Variants in TRRAP observed in about 807,000 individuals in gnomAD.
The protein encoded by TRRAP is transformation/transcription domain associated protein, also known as transformation/transcription domain-associated protein.
Under a neutral mutation model 438.8 loss-of-function variants are expected in TRRAP, and 41 were observed. The observed-to-expected ratio is 0.09, with a 90% CI of 0.07 to 0.12. The LOEUF (loss-of-function observed/expected upper bound fraction) is 0.12, where lower values mean the gene tolerates loss of function less well. TRRAP is among the 10% of genes least tolerant of loss of function. The pLI, the probability that TRRAP is intolerant of heterozygous loss-of-function variation, is 1.00. For missense variants in TRRAP, 3,122 were observed against 5,055.1 expected, an observed-to-expected ratio of 0.62 and a Z score of 11.60; for synonymous variants, 1,994 against 1,962.9, an observed-to-expected ratio of 1.02 and a Z score of -0.42.
intron 40 of TRRAP, among the ~76,000 whole-genome samples, 160 bp from the exon 41 acceptor site, chr7:98,954,938 C>A (rs1554419191): frequency 6.6e-6 from 1 of 152,234 alleles, no homozygotes; most frequent in African/African-American, 2.4e-5. Flanking sequence ...TTGGTCAAAA[C>A]TTAACAGAAA....
At chr7:98,969,902 C>T (rs1222283948) in intron 51 of TRRAP, among the ~76,000 whole-genome samples, 1 of 152,036 alleles carries the variant, frequency 6.6e-6, no homozygotes, top group African/African-American at 2.4e-5. Flanking sequence ...TATGAGTGAA[C>T]CAGAGGTCTT....
At position 98,911,224 on chromosome 7, in the gene TRRAP, A is replaced by G. The variant is rs1378061771; in HGVS notation, c.1960A>G (p.Thr654Ala). The change falls in exon 17 of 73, where the codon ACG (threonine) becomes GCG (alanine). Residue 654 changes from threonine (T) to alanine (A), a missense_variant. Physicochemically the swap from Thr to Ala is moderately conservative, Grantham distance 58 (BLOSUM62 0). Transcript: ENST00000456197. ...PLTFKEIFQT[T>A]VPYMVERISK... ...AACGTTCAAAGAAATCTTCCAAACT[A>G]CGGTCCCTTATATGGTGGAGAGAAT... The G allele has an allele frequency of 1.2e-6, 2 of 1,614,092 alleles. No individual in the cohort carries two copies. The highest frequency in any genetic ancestry group is 8.5e-7 in the Non-Finnish European group (1 of 1,180,024).
chr7:98,935,283 C>T (rs1304016871), intron 27 of TRRAP, among the ~76,000 whole-genome samples: 2 of 152,084 alleles, frequency 1.3e-5, no homozygotes. Context: ...AAGTAACCCC[C>T]TGTTTTGAGG....
intron 69 of TRRAP, among the ~76,000 whole-genome samples, chr7:99,006,508 G>A (rs1261088202): frequency 6.6e-6 from 1 of 152,232 alleles, no homozygotes; most frequent in Non-Finnish European, 1.5e-5. Flanking sequence ...AGCACAGAAT[G>A]GTGGTCCTAA....
intron 70 of TRRAP, 118 bp downstream of exon 70, chr7:99,008,679 T>A: frequency 9.1e-7 from 1 of 1,097,526 alleles, no homozygotes. Flanking sequence ...GCCACCTCTG[T>A]CATTTAAAGT....
At position 98,908,391 on chromosome 7, in the gene TRRAP, C is replaced by T. The variant is rs192202886; in HGVS notation, c.1116-337C>T. On this transcript the variant is annotated intron_variant, in intron 13 of 72. Transcript: ENST00000456197. This position sits in a 1 kb window ranked among gnomAD's most constrained non-coding sequence, Gnocchi z 4.1. ...CATCATATATAAAGATTGATTGACCCGTCCTATTTATTTTTGAGCAACAAA... is the reference window on the plus strand; with the variant it reads ...CATCATATATAAAGATTGATTGACCTGTCCTATTTATTTTTGAGCAACAAA... 1.3e-3 allele frequency among the ~76,000 whole-genome samples: 199 copies of T among 152,190 alleles called. No homozygotes were observed. Among genetic ancestry groups the T allele is most frequent in the Admixed American group, 0.012 (183 of 15,294 alleles).
At chr7:98,937,100 T>G in intron 28 of TRRAP, 56 bp from the exon 29 acceptor site, 3 of 1,535,012 alleles carry the variant, frequency 2.0e-6, no homozygotes, top group East Asian at 2.4e-5. Context: ...GAGAAGAAAA[T>G]TATTTGGGCA....
At chr7:98,958,371 T>G (rs1226862817) in intron 44 of TRRAP, among the ~76,000 whole-genome samples, 1 of 152,088 alleles carries the variant, frequency 6.6e-6, no homozygotes, top group Admixed American at 6.5e-5. Context: ...GGTGCGATCT[T>G]GGCTCACTGC....
At chr7:98,949,063 T>G (rs2116606567) in intron 35 of TRRAP, among the ~76,000 whole-genome samples, 1 of 152,258 alleles carries the variant, frequency 6.6e-6, no homozygotes, top group Non-Finnish European at 1.5e-5. Context: ...TGAGACCTTG[T>G]CTTTACAAAA....
In TRRAP at chr7:98,948,140, T is replaced by C. The variant is rs1264161386; in HGVS notation, c.4549-81T>C. ...TAGCCTTGCCAACATAGTTAGACTATAGTAGGGTCTGTAGTGACGTTGACC... is the reference window on the plus strand; with the variant it reads ...TAGCCTTGCCAACATAGTTAGACTACAGTAGGGTCTGTAGTGACGTTGACC... On this transcript the variant is annotated intron_variant, in intron 33 of 72. Transcript: ENST00000456197. This position sits in a 1 kb window ranked among gnomAD's most constrained non-coding sequence, Gnocchi z 4.9. 1.9e-6 allele frequency: 3 copies of C among 1,585,690 alleles called. No individual in the cohort carries two copies. The African/African-American group carries it at 4.0e-5, about 21-fold the overall frequency.
At chr7:98,928,099 A>G (rs1790137533) in intron 23 of TRRAP, among the ~76,000 whole-genome samples, 1 of 152,084 alleles carries the variant, frequency 6.6e-6, no homozygotes. Context: ...TTAGCTGGGC[A>G]TGGTGGTGCA....
chr7:98,975,858 A>G, intron 53 of TRRAP: 1 of 303,888 alleles, frequency 3.3e-6, no homozygotes, highest in Non-Finnish European at 6.0e-6. Context: ...CTTCTTGGAT[A>G]TGGTGGGATC....
chr7:98,899,506 G>A lies in TRRAP; in HGVS notation c.711+7G>A. 3.1e-6 allele frequency: 5 copies of A among 1,614,052 alleles called. No individual in the cohort carries two copies. The highest frequency in any genetic ancestry group is 1.7e-5 in the Admixed American group (1 of 60,026). On this transcript the variant is annotated splice_region_variant and intron_variant, in intron 9 of 72. Coordinates refer to ENST00000456197, the MANE Select transcript of TRRAP (RefSeq NM_001375524.1). Reference sequence around the variant, plus strand: ...TGTTGTTTTAATGTATCAGGTATGTGTATTGCTCATTAGTCTCTTGGGTTT... The same window carrying A: ...TGTTGTTTTAATGTATCAGGTATGTATATTGCTCATTAGTCTCTTGGGTTT...
intron 67 of TRRAP, chr7:98,999,114 C>T (rs1448132942): frequency 4.6e-6 from 7 of 1,524,460 alleles, no homozygotes; most frequent in Non-Finnish European, 6.2e-6. Context: ...CAGGAGTGGC[C>T]ACCGAAGGGC....
chr7:98,958,206 C>T, intron 44 of TRRAP, 115 bp downstream of exon 44: 2 of 860,872 alleles, frequency 2.3e-6, no homozygotes, highest in South Asian at 3.6e-5. Context: ...AAACCAAGGT[C>T]TGCCAGCTGG....
rs1415416389 is a variant in TRRAP at position 98,937,290 on chromosome 7, G to A, written c.4233+13G>A. ...CTGTATGAGAAAGGTGAGTGTGTGT[G>A]CGTGCGTGTATGCGCACGCGTGTGT... On this transcript the variant is annotated intron_variant, in intron 29 of 72. Coordinates refer to ENST00000456197, the MANE Select transcript of TRRAP (RefSeq NM_001375524.1). 1 of 1,607,876 alleles carries A rather than the reference G, an allele frequency of 6.2e-7. No individual in the cohort carries two copies. Among genetic ancestry groups the A allele is most frequent in the African/African-American group, 1.3e-5 (1 of 74,536 alleles).
In TRRAP at chr7:98,953,021, T is replaced by G; in HGVS notation, c.5464-146T>G. On this transcript the variant is annotated intron_variant, in intron 39 of 72. Transcript: ENST00000456197. ...TTATTGATAACCTCCTTGTAAAACT[T>G]CATGTTACATTGTGTGTGTGTGTGT... 2.7e-6 allele frequency: 3 copies of G among 1,131,128 alleles called. No homozygotes were observed. The Admixed American group carries it at 7.1e-5, about 27-fold the overall frequency. 70.1% of individuals were successfully genotyped at this position (1,131,128 alleles called of 1,614,324 possible). A position where few individuals can be genotyped will look rare whatever the true frequency, so the allele number is the denominator to read the frequency against.
intron 30 of TRRAP, among the ~76,000 whole-genome samples, chr7:98,939,416 C>T (rs551502150): frequency 9.0e-4 from 137 of 152,252 alleles, no homozygotes; most frequent in Non-Finnish European, 6.2e-4. Context: ...ATGAAAGACA[C>T]GTAGCTTTTT....
At chr7:98,968,850 T>C (rs1792277449) in intron 51 of TRRAP, among the ~76,000 whole-genome samples, 1 of 152,168 alleles carries the variant, frequency 6.6e-6, no homozygotes, top group African/African-American at 2.4e-5. Flanking sequence ...CTGGGCAGAG[T>C]TCCCTGCTCT....
Sources: allele counts gnomAD v4.1 joint callset (sites outside exome capture counted in the v4.1 genomes callset), GRCh38; gene constraint gnomAD v4.1.1; non-coding constraint Gnocchi (gnomAD v3.1); transcripts MANE v1.5; gene names NCBI Gene and HGNC (gene_info 2026-07-23, HGNC 2026-07-21).